Variants in RLF observed in about 807,000 individuals in gnomAD.
RLF encodes the protein zinc finger protein Rlf.
In RLF, 7 loss-of-function variants were observed where a neutral mutation model predicts 162.9. The ratio of observed to expected loss-of-function variants is 0.04; its 90% CI spans 0.02 to 0.08. The LOEUF is 0.08. Ranked by LOEUF, RLF falls within the 10% of genes least tolerant of loss-of-function variation. RLF has a pLI of 1.00. For missense variants in RLF, 1,664 were observed against 2,244.7 expected (o/e 0.74, Z 5.23); for synonymous variants, 782 against 791.5 (o/e 0.99, Z 0.20).
At chr1:40,221,269 G>C (rs1347102901) in intron 5 of RLF, among the ~76,000 whole-genome samples, 4 of 151,362 alleles carry the variant, frequency 2.6e-5, no homozygotes, top group Admixed American at 6.6e-5. Flanking sequence ...TTGTGAAATA[G>C]AAATAATATT....
chr1:40,238,824 G>A lies in RLF; in HGVS notation c.4122G>A (p.Leu1374=), dbSNP rs769153994. Residue 1374 remains leucine, a synonymous_variant, in exon 8 of 8, where the codon CTG becomes CTA. Coordinates refer to ENST00000372771, the MANE Select transcript of RLF (RefSeq NM_012421.4). The surrounding 1 kb of genome is among the most constrained non-coding windows in gnomAD (Gnocchi z 5.2). The stretch of plus-strand genomic sequence containing the variant: ...ATAAGGAATGTAATAAACGCTTCCT[G>A]TGTTCCAAAGCTCTTGCTAAGCACT... ...CKYKECNKRF[L]CSKALAKHCS... 8.1e-6 allele frequency: 13 copies of A among 1,613,788 alleles called. No homozygotes were observed. Among genetic ancestry groups the A allele is most frequent in the Admixed American group, 3.3e-5 (2 of 59,966 alleles).
intron 5 of RLF, among the ~76,000 whole-genome samples, chr1:40,203,306 G>T (rs1293954505): frequency 6.6e-6 from 1 of 151,630 alleles, no homozygotes; most frequent in Non-Finnish European, 1.5e-5. Flanking sequence ...AGTAGAGACG[G>T]GGTTTCACCA....
chr1:40,220,679 A>G (rs768280371), intron 5 of RLF, among the ~76,000 whole-genome samples: 8 of 152,190 alleles, frequency 5.3e-5, no homozygotes, highest in Non-Finnish European at 1.2e-4. Flanking sequence ...TATTTAGCAA[A>G]TGGCACTGCT....
In RLF at chr1:40,240,259, A is replaced by G. The variant is rs151130865; in HGVS notation, c.5557A>G (p.Thr1853Ala). 3.5e-4 allele frequency: 557 copies of G among 1,614,070 alleles called. No homozygotes were observed. The highest frequency in any genetic ancestry group is 4.4e-4 in the Non-Finnish European group (520 of 1,180,028). ...IPPLIVAETT[T>A]VPSLENLRVV... ...ACCTTTAATAGTAGCTGAAACAACA[A>G]CAGTTCCTTCCTTGGAAAACCTGAG... The change falls in exon 8 of 8, where the codon ACA becomes GCA. Residue 1853 changes from threonine (T) to alanine (A), a missense_variant. Thr to Ala is a moderately conservative substitution (Grantham distance 58). This residue lies in a region of RLF where 327 missense variants were observed against 342.7 expected (regional missense o/e 0.95). Transcript: ENST00000372771.
intron 1 of RLF, among the ~76,000 whole-genome samples, chr1:40,163,921 T>A (rs1344364857): frequency 6.6e-6 from 1 of 152,222 alleles, no homozygotes; most frequent in Non-Finnish European, 1.5e-5. Context: ...GTGTCCTTGA[T>A]GACCAGATAG....
intron 1 of RLF, among the ~76,000 whole-genome samples, chr1:40,168,152 C>T (rs1418130862): frequency 1.3e-5 from 2 of 152,096 alleles, no homozygotes; most frequent in African/African-American, 4.8e-5. Flanking sequence ...GAGGTTGAGG[C>T]TGCAGTAAGC....
intron 4 of RLF, among the ~76,000 whole-genome samples, chr1:40,200,867 TACAC>T (rs71060356): frequency 0.032 from 1,118 of 34,734 alleles, 22 homozygotes; most frequent in Admixed American, 0.044. Flanking sequence ...ATTGCTACTC[TACAC>T]ACACACACAC....
chr1:40,188,617 A>G (rs957087745), intron 1 of RLF, among the ~76,000 whole-genome samples: 10 of 111,224 alleles, frequency 9.0e-5, no homozygotes, highest in Admixed American at 3.0e-4. Context: ...CCATGTGTCC[A>G]GAAAAAAAAA....
chr1:40,167,874 C>T (rs1193041263), intron 1 of RLF, among the ~76,000 whole-genome samples: 1 of 151,590 alleles, frequency 6.6e-6, no homozygotes, highest in Non-Finnish European at 1.5e-5. Flanking sequence ...GTATCTCCCA[C>T]TTGAATTTTT....
Position 40,161,647 on chromosome 1 carries a change from G to T in RLF, c.237+11G>T. 6.2e-7 allele frequency: 1 copy of T among 1,608,800 alleles called. No individual in the cohort carries two copies. The highest frequency in any genetic ancestry group is 1.1e-5 in the South Asian group (1 of 90,414). ...CGGAGCTTCTGCCAGGTGAGGGGCT[G>T]ACTGGCTGGCTGAGGGCGGCGGGGC... On this transcript the variant is annotated intron_variant, in intron 1 of 7. Coordinates refer to ENST00000372771, the MANE Select transcript of RLF (RefSeq NM_012421.4). This position sits in a 1 kb window ranked among gnomAD's most constrained non-coding sequence, Gnocchi z 4.4.
In RLF at chr1:40,222,662, C is replaced by G. The variant is rs747839448; in HGVS notation, c.899C>G (p.Thr300Arg). The change falls in exon 6 of 8, where the codon ACG (threonine) becomes AGG (arginine). Residue 300 changes from threonine (T) to arginine (R), a missense_variant. This residue lies in a region of RLF where 287 missense variants were observed against 404.9 expected (regional missense o/e 0.71). Transcript: ENST00000372771. The part of the protein sequence containing the change: ...GQDNTAFVLC[T>R]TYLTQQLQTA... Reference sequence around the variant, plus strand: ...GATAACACAGCATTTGTTCTTTGTACGACTTACCTTACCCAGCAGCTCCAA... The same window carrying G: ...GATAACACAGCATTTGTTCTTTGTAGGACTTACCTTACCCAGCAGCTCCAA... 1 of 1,613,314 alleles carries G rather than the reference C, an allele frequency of 6.2e-7. No homozygotes were observed.
chr1:40,239,965 C>T lies in RLF; in HGVS notation c.5263C>T (p.Gln1755Ter). ...AAAAGAGAATTTTAGGAAACATTCA[C>T]AGCCCCGGTCATTTGATTTGAAGAC... ...VPKENFRKHS[Q>*]PRSFDLKTYK... Residue 1755 changes from glutamine to a stop codon, truncating the protein, a stop_gained, in exon 8 of 8, where the codon CAG (glutamine) becomes TAG (stop). Transcript: ENST00000372771. LOFTEE classifies it high-confidence loss of function. The T allele has an allele frequency of 6.2e-7, 1 of 1,613,740 alleles. No homozygotes were observed. Among genetic ancestry groups the T allele is most frequent in the Non-Finnish European group, 8.5e-7 (1 of 1,180,008 alleles).
At chr1:40,177,650 A>G (rs1239607863) in intron 1 of RLF, among the ~76,000 whole-genome samples, 1 of 152,028 alleles carries the variant, frequency 6.6e-6, no homozygotes, top group Non-Finnish European at 1.5e-5. Context: ...TTTTCCCATT[A>G]TATCTAAGAA....
intron 1 of RLF, among the ~76,000 whole-genome samples, chr1:40,163,202 C>CT (rs1450415845): frequency 2.6e-5 from 4 of 152,218 alleles, no homozygotes; most frequent in Admixed American, 1.3e-4. Context: ...TAGTAAGACC[C>CT]TATGGGCTGC....
chr1:40,174,756 T>C (rs1204783981), intron 1 of RLF, among the ~76,000 whole-genome samples: 1 of 152,226 alleles, frequency 6.6e-6, no homozygotes, highest in Non-Finnish European at 1.5e-5. Context: ...TGGATTATTA[T>C]TTGCCCCTGT....
chr1:40,183,495 G>A (rs1642433819), intron 1 of RLF, among the ~76,000 whole-genome samples: 1 of 152,298 alleles, frequency 6.6e-6, no homozygotes, highest in African/African-American at 2.4e-5. Context: ...GTTAGATGTT[G>A]TAAACTCGGG....
intron 1 of RLF, among the ~76,000 whole-genome samples, chr1:40,180,230 C>A (rs1642387831): frequency 6.6e-6 from 1 of 152,046 alleles, no homozygotes; most frequent in Non-Finnish European, 1.5e-5. Context: ...TTTCTCCACA[C>A]CCTTGCTAAC....
chr1:40,170,196 C>A (rs1052704509), intron 1 of RLF, among the ~76,000 whole-genome samples: 1 of 152,054 alleles, frequency 6.6e-6, no homozygotes, highest in Non-Finnish European at 1.5e-5. Flanking sequence ...GTCTTTCTGC[C>A]TGCCACTAGT....
At chr1:40,167,609 C>T (rs757656383) in intron 1 of RLF, among the ~76,000 whole-genome samples, 4 of 152,044 alleles carry the variant, frequency 2.6e-5, no homozygotes, top group Non-Finnish European at 5.9e-5. Context: ...TATTTTCATT[C>T]AGATCTAGAT....
Sources: gnomAD v4.1 joint callset for allele counts (sites outside exome capture counted in the v4.1 genomes callset) on GRCh38, gnomAD v4.1.1 for gene constraint, gnomAD v4.1.1 regional missense constraint, Gnocchi (gnomAD v3.1) non-coding constraint, MANE v1.5 for transcripts, NCBI Gene and HGNC (gene_info 2026-07-23, HGNC 2026-07-21) for gene names.